Variants in GRK4 observed in about 807,000 individuals in gnomAD.
The protein encoded by GRK4 is G protein-coupled receptor kinase 2-like.
GRK4 carries 73 observed loss-of-function variants against 77.9 expected under a neutral mutation model. The ratio of observed to expected loss-of-function variants is 0.94; its 90% confidence interval spans 0.78 to 1.14. GRK4 has a LOEUF of 1.14. GRK4 is among the 50% of genes most tolerant of loss of function. GRK4 has a pLI of 0.00. For missense variants in GRK4, 729 were observed against 700.2 expected (o/e 1.04, Z -0.46); for synonymous variants, 257 against 254.4 (o/e 1.01, Z -0.10).
chr4:3,039,729 T>A (rs374207999), intron 15 of GRK4, among the ~76,000 whole-genome samples: 1,582 of 122,706 alleles, frequency 0.013, 14 homozygotes, highest in African/African-American at 0.038. Context: ...GAAAAAAAAA[T>A]AAGCTTTAGG....
At position 3,007,817 on chromosome 4, in the gene GRK4, A is replaced by G. The variant is rs1300103181; in HGVS notation, c.525A>G (p.Lys175=). Residue 175 remains lysine, a synonymous_variant, in exon 6 of 16, where the codon AAA becomes AAG. Coordinates refer to ENST00000398052, the MANE Select transcript of GRK4 (RefSeq NM_182982.3). ...ATTTTTCTCAGTTTTTACAATGGAAATGGCTGGAAAGGTATGTACTGATTT... is the reference window on the plus strand; with the variant it reads ...ATTTTTCTCAGTTTTTACAATGGAAGTGGCTGGAAAGGTATGTACTGATTT... The part of the protein sequence containing the change: ...SSYFSQFLQW[K]WLERQPVTKN... 1 of 1,610,140 alleles carries G rather than the reference A, an allele frequency of 6.2e-7. No homozygotes were observed. The highest frequency in any genetic ancestry group is 1.3e-5 in the African/African-American group (1 of 74,970).
chr4:3,008,578 G>A (rs904137051), intron 6 of GRK4, among the ~76,000 whole-genome samples: 5 of 152,150 alleles, frequency 3.3e-5, no homozygotes, highest in Admixed American at 2.6e-4. Context: ...CGAGGCGGGT[G>A]GATCACCTGA....
In GRK4 at chr4:3,032,318, T is replaced by TAAA. The variant is rs386399080; in HGVS notation, c.1269+2917_1269+2919dup. Reference sequence around the variant, plus strand: ...CAAGATGGTGAAATCCTATCTCTACTAAAAAAAAAATTAGCCAGGTGCGGT... The same window carrying TAAA: ...CAAGATGGTGAAATCCTATCTCTACTAAAAAAAAAAAAATTAGCCAGGTGCGGT... On this transcript the variant is annotated intron_variant, in intron 12 of 15. Coordinates refer to ENST00000398052, the MANE Select transcript of GRK4 (RefSeq NM_182982.3). Among the ~76,000 whole-genome samples, 532 of 149,630 alleles carry TAAA rather than the reference T, an allele frequency of 3.6e-3. 2 individuals are homozygous for TAAA. The highest frequency in any genetic ancestry group is 5.5e-3 in the Non-Finnish European group (372 of 67,332).
chr4:2,989,351 A>T (rs1243623326), intron 3 of GRK4, among the ~76,000 whole-genome samples: 2 of 152,192 alleles, frequency 1.3e-5, no homozygotes, highest in Non-Finnish European at 2.9e-5. Flanking sequence ...TCATTGAATG[A>T]CTTTGAAACT....
chr4:3,001,477 CT>C (rs1469225489), intron 4 of GRK4, among the ~76,000 whole-genome samples: 1 of 151,372 alleles, frequency 6.6e-6, no homozygotes, highest in Non-Finnish European at 1.5e-5. Context: ...AGTGATTCCC[CT>C]GCCTCAGCCT....
intron 1 of GRK4, among the ~76,000 whole-genome samples, chr4:2,982,244 A>G (rs996265307): frequency 2.6e-5 from 4 of 152,200 alleles, no homozygotes; most frequent in Admixed American, 2.0e-4. Context: ...TTCCGCCGGC[A>G]CTGGCCACTG....
At chr4:2,989,137 C>T (rs2995803) in intron 3 of GRK4, among the ~76,000 whole-genome samples, 42,861 of 151,608 alleles carry the variant, frequency 0.28, 6,362 homozygotes, top group Non-Finnish European at 0.32. Context: ...GCCGAGATCG[C>T]ACCACTGCCT....
intron 1 of GRK4, 131 bp downstream of exon 1, chr4:2,964,253 C>A: frequency 1.2e-6 from 1 of 813,378 alleles, no homozygotes; most frequent in East Asian, 2.7e-5. Flanking sequence ...ACACCTCCCA[C>A]TGGGGGAACC....
chr4:2,990,614 G>T (rs2471340), intron 3 of GRK4, among the ~76,000 whole-genome samples: 55,230 of 151,880 alleles, frequency 0.36, 10,497 homozygotes, highest in African/African-American at 0.44. Flanking sequence ...CTCAGTTTGG[G>T]GGATGGAACC....
At position 2,965,596 on chromosome 4, in the gene GRK4, C is replaced by G. The variant is rs547567005; in HGVS notation, c.52+1474C>G. ...GTGGCGGCCACGCTTGTAGTCCCAG[C>G]TACTCTGGAAGCTGAGGTGGAAGGC... On this transcript the variant is annotated intron_variant, in intron 1 of 15. Coordinates refer to ENST00000398052, the MANE Select transcript of GRK4 (RefSeq NM_182982.3). 154 of 636,956 alleles carry G rather than the reference C, an allele frequency of 2.4e-4. 1 individual carries two copies. The South Asian group carries it at 2.7e-3, about 11-fold the overall frequency. The allele number at this position is 636,956 out of a possible 1,614,324, so 39.5% of individuals were successfully genotyped here.
At chr4:3,038,269 C>T in intron 14 of GRK4, 107 bp from the exon 15 acceptor site, 4 of 1,421,048 alleles carry the variant, frequency 2.8e-6, no homozygotes, top group Non-Finnish European at 3.9e-6. Context: ...TGCAGGAGCT[C>T]TGAGGTGCCC....
chr4:2,976,229 C>T (rs1438260275), intron 1 of GRK4, among the ~76,000 whole-genome samples: 2 of 151,786 alleles, frequency 1.3e-5, no homozygotes, highest in Non-Finnish European at 2.9e-5. Context: ...TTCCCTTCTT[C>T]CTTGTTTTTT....
At chr4:3,036,782 C>T (rs1220549432) in intron 13 of GRK4, among the ~76,000 whole-genome samples, 1 of 152,138 alleles carries the variant, frequency 6.6e-6, no homozygotes, top group Non-Finnish European at 1.5e-5. Context: ...CTCAGTGGAC[C>T]TGCAGGAGGA....
At chr4:3,015,924 T>A (rs563244705) in intron 8 of GRK4, among the ~76,000 whole-genome samples, 2 of 151,068 alleles carry the variant, frequency 1.3e-5, no homozygotes, top group South Asian at 4.2e-4. Context: ...TTTTTTTTTT[T>A]TTGATACAGA....
intron 9 of GRK4, among the ~76,000 whole-genome samples, chr4:3,021,430 G>A (rs902740413): frequency 6.6e-6 from 1 of 152,144 alleles, no homozygotes; most frequent in Non-Finnish European, 1.5e-5. Flanking sequence ...GAGCTTCTTG[G>A]GAGTCCTTGA....
chr4:2,981,567 C>T (rs560758534), intron 1 of GRK4, among the ~76,000 whole-genome samples: 8 of 152,344 alleles, frequency 5.3e-5, no homozygotes, highest in South Asian at 2.1e-4. Flanking sequence ...GTGGGTAGCA[C>T]CTCTCTGCAG....
intron 13 of GRK4, among the ~76,000 whole-genome samples, chr4:3,037,046 T>G (rs924908155): frequency 1.2e-4 from 11 of 92,574 alleles, no homozygotes; most frequent in East Asian, 5.2e-4. Context: ...TCAGGAGGGG[T>G]GTGTGTGTGT....
chr4:3,009,651 A>G lies in GRK4; in HGVS notation c.540A>G (p.Gln180=), dbSNP rs1248018106. The change falls in exon 7 of 16, where the codon CAA becomes CAG. Residue 180 remains glutamine (Q), a synonymous_variant. Coordinates refer to ENST00000398052, the MANE Select transcript of GRK4 (RefSeq NM_182982.3). Reference sequence around the variant, plus strand: ...ACTTGTTTTTCTCATTGATTAGGCAACCCGTAACAAAGAACACATTTAGAC... The same window carrying G: ...ACTTGTTTTTCTCATTGATTAGGCAGCCCGTAACAAAGAACACATTTAGAC... The part of the protein sequence containing the change: ...QFLQWKWLER[Q]PVTKNTFRHY... The G allele has an allele frequency of 2.5e-6, 4 of 1,613,214 alleles. No individual in the cohort carries two copies. The highest frequency in any genetic ancestry group is 1.7e-5 in the Admixed American group (1 of 59,934).
At chr4:2,975,249 G>A (rs1720761868) in intron 1 of GRK4, among the ~76,000 whole-genome samples, 2 of 152,152 alleles carry the variant, frequency 1.3e-5, no homozygotes, top group Admixed American at 6.5e-5. Context: ...ATTGCAGTGA[G>A]CCAAGATCAC....
Sources: gnomAD v4.1 joint callset for allele counts (sites outside exome capture counted in the v4.1 genomes callset) on GRCh38, gnomAD v4.1.1 for gene constraint, MANE v1.5 for transcripts, NCBI Gene and HGNC (gene_info 2026-07-23, HGNC 2026-07-21) for gene names.